ADARB2: variants seen among roughly 807,000 people sequenced by gnomAD.
The protein encoded by ADARB2 is inactive double-stranded RNA-specific editase B2.
In ADARB2, 25 loss-of-function variants were observed where a neutral mutation model predicts 62.2. The observed-to-expected ratio is 0.40, with a 90% CI of 0.29 to 0.56. The LOEUF (loss-of-function observed/expected upper bound fraction) is 0.56, where lower values mean the gene tolerates loss of function less well. Among genes scored for constraint, ADARB2 ranks in the 20% least tolerant of loss-of-function variants. The pLI is 0.43. For synonymous variants in ADARB2, 572 were observed against 500.8 expected (o/e 1.14, Z -1.90); for missense variants, 1,071 against 1,077.4 (o/e 0.99, Z 0.08).
chr10:1,404,680 A>G (rs941521774), intron 1 of ADARB2, among the ~76,000 whole-genome samples: 1 of 152,184 alleles, frequency 6.6e-6, no homozygotes, highest in Admixed American at 6.5e-5. Context: ...AGCTGCTCAG[A>G]GACCTGTAAG....
At chr10:1,542,824 TTCAGACCC>T (rs1832454720) in intron 1 of ADARB2, among the ~76,000 whole-genome samples, 1 of 126,870 alleles carries the variant, frequency 7.9e-6, no homozygotes. Context: ...TCAGACGCAG[TTCAGACCC>T]TGGATCACAG....
At chr10:1,251,342 A>G (rs898658528) in intron 4 of ADARB2, among the ~76,000 whole-genome samples, 3 of 152,206 alleles carry the variant, frequency 2.0e-5, no homozygotes, top group Non-Finnish European at 4.4e-5. Flanking sequence ...TACATATTAT[A>G]TGATTTCAAC....
chr10:1,736,372 G>C (rs1835300687), intron 1 of ADARB2, among the ~76,000 whole-genome samples: 1 of 152,232 alleles, frequency 6.6e-6, no homozygotes, highest in Non-Finnish European at 1.5e-5. Context: ...ACAAGGCACA[G>C]CTGAGTTTGT....
At chr10:1,584,515 G>C in intron 1 of ADARB2, among the ~76,000 whole-genome samples, 1 of 152,232 alleles carries the variant, frequency 6.6e-6, no homozygotes, top group East Asian at 1.9e-4. Context: ...CACAGCTTCT[G>C]TGGATGACAG....
chr10:1,676,539 A>T (rs1275932610), intron 1 of ADARB2, among the ~76,000 whole-genome samples: 3 of 152,040 alleles, frequency 2.0e-5, no homozygotes, highest in Non-Finnish European at 4.4e-5. Context: ...CTTCATTTTT[A>T]TTTTTGAGAT....
chr10:1,708,584 A>G (rs1834918448), intron 1 of ADARB2, among the ~76,000 whole-genome samples: 1 of 152,180 alleles, frequency 6.6e-6, no homozygotes, highest in Non-Finnish European at 1.5e-5. Context: ...AAGAAGAAGA[A>G]TGTTCAAGGA....
At chr10:1,637,608 T>C (rs1470991295) in intron 1 of ADARB2, among the ~76,000 whole-genome samples, 4 of 152,348 alleles carry the variant, frequency 2.6e-5, no homozygotes, top group Admixed American at 2.6e-4. Context: ...AGGGAAAGTA[T>C]TGTAAGGTGA....
At chr10:1,638,209 T>C (rs142031834) in intron 1 of ADARB2, among the ~76,000 whole-genome samples, 3 of 152,354 alleles carry the variant, frequency 2.0e-5, no homozygotes, top group African/African-American at 7.2e-5. Context: ...ATGCAGATAT[T>C]ACACTTCAAT....
intron 1 of ADARB2, among the ~76,000 whole-genome samples, chr10:1,715,211 C>G (rs947183668): frequency 1.3e-5 from 2 of 152,086 alleles, no homozygotes; most frequent in Non-Finnish European, 2.9e-5. Flanking sequence ...TTTGCCTTGA[C>G]TGCCAGGAAG....
intron 4 of ADARB2, among the ~76,000 whole-genome samples, chr10:1,265,042 T>C (rs1351699719): frequency 4.5e-4 from 68 of 152,226 alleles, no homozygotes; most frequent in Non-Finnish European, 1.2e-4. Context: ...AGGTAATGCA[T>C]GGTCACCACC....
chr10:1,565,346 C>T (rs189188201), intron 1 of ADARB2, among the ~76,000 whole-genome samples: 68 of 152,288 alleles, frequency 4.5e-4, no homozygotes, highest in African/African-American at 1.6e-3. Flanking sequence ...TCGAATGCGT[C>T]TTCATGAACC....
intron 1 of ADARB2, among the ~76,000 whole-genome samples, chr10:1,736,460 C>T (rs1045565662): frequency 2.0e-5 from 3 of 152,198 alleles, no homozygotes; most frequent in Non-Finnish European, 2.9e-5. Flanking sequence ...AAATATGATG[C>T]TTCTTTCTGT....
intron 1 of ADARB2, among the ~76,000 whole-genome samples, chr10:1,567,797 G>A (rs981601305): frequency 6.6e-6 from 1 of 152,198 alleles, no homozygotes; most frequent in African/African-American, 2.4e-5. Context: ...GGGGCTCAAA[G>A]AGCGTTTGTT....
intron 1 of ADARB2, among the ~76,000 whole-genome samples, chr10:1,420,612 GA>G (rs869094551): frequency 1.1e-3 from 127 of 120,464 alleles, no homozygotes; most frequent in African/African-American, 4.1e-3. Context: ...CAGAAAGAGG[GA>G]AAAAAAAAAA....
chr10:1,463,801 T>C (rs1453011310), intron 1 of ADARB2, among the ~76,000 whole-genome samples: 1 of 152,008 alleles, frequency 6.6e-6, no homozygotes, highest in Non-Finnish European at 1.5e-5. Flanking sequence ...TGGACCAGTA[T>C]CCAGAATAGG....
intron 1 of ADARB2, among the ~76,000 whole-genome samples, chr10:1,417,431 C>T (rs1373559624): frequency 6.6e-6 from 1 of 152,174 alleles, no homozygotes; most frequent in Non-Finnish European, 1.5e-5. Flanking sequence ...TTCTAAGGCA[C>T]TCTGCTAATT....
chr10:1,636,210 C>T (rs1833915901), intron 1 of ADARB2, among the ~76,000 whole-genome samples: 1 of 152,154 alleles, frequency 6.6e-6, no homozygotes, highest in African/African-American at 2.4e-5. Flanking sequence ...TCTAGGCAGA[C>T]TGACTTTCTT....
At chr10:1,566,798 A>G (rs1291513025) in intron 1 of ADARB2, among the ~76,000 whole-genome samples, 1 of 152,230 alleles carries the variant, frequency 6.6e-6, no homozygotes, top group East Asian at 1.9e-4. Flanking sequence ...AATTCCATGC[A>G]TGTATATGTT....
intron 1 of ADARB2, among the ~76,000 whole-genome samples, chr10:1,602,370 C>T (rs1365975314): frequency 3.3e-5 from 5 of 152,200 alleles, no homozygotes; most frequent in African/African-American, 9.7e-5. Flanking sequence ...TCCCTCCCCA[C>T]ATCAGCAATT....
Sources: allele counts gnomAD v4.1 joint callset (sites outside exome capture counted in the v4.1 genomes callset), GRCh38; gene constraint gnomAD v4.1.1; transcripts MANE v1.5; gene names NCBI Gene and HGNC (gene_info 2026-07-23, HGNC 2026-07-21).